LRRC4C: variants seen among roughly 807,000 people sequenced by gnomAD.
LRRC4C encodes leucine-rich repeat-containing protein 4C.
Under a neutral mutation model 33.6 loss-of-function variants are expected in LRRC4C, and 5 were observed. The ratio of observed to expected loss-of-function variants is 0.15; its 90% CI spans 0.08 to 0.31. LRRC4C has a LOEUF of 0.31. Among genes scored for constraint, LRRC4C ranks in the 10% least tolerant of loss-of-function variants. LRRC4C has a pLI of 1.00. For synonymous variants in LRRC4C, 329 were observed against 302.0 expected (o/e 1.09, Z -0.93); for missense variants, 560 against 796.7 (o/e 0.70, Z 3.58).
At chr11:40,770,536 C>T (rs1311837339) in intron 2 of LRRC4C, among the ~76,000 whole-genome samples, 1 of 152,186 alleles carries the variant, frequency 6.6e-6, no homozygotes, top group East Asian at 1.9e-4. Flanking sequence ...CACAATTATA[C>T]CTTCCCAACA....
At chr11:40,592,215 A>G (rs545537308) in intron 3 of LRRC4C, among the ~76,000 whole-genome samples, 1 of 152,366 alleles carries the variant, frequency 6.6e-6, no homozygotes, top group Non-Finnish European at 1.5e-5. Context: ...TATAAAGTAC[A>G]GAGTGCCAAA....
intron 3 of LRRC4C, among the ~76,000 whole-genome samples, chr11:40,407,922 C>A (rs78631021): frequency 6.6e-6 from 1 of 151,962 alleles, no homozygotes; most frequent in African/African-American, 2.4e-5. Context: ...ATTAAAATCA[C>A]AATTTAAAAT....
At chr11:40,315,551 C>A (rs1400603789) in intron 4 of LRRC4C, among the ~76,000 whole-genome samples, 1 of 151,888 alleles carries the variant, frequency 6.6e-6, no homozygotes, top group Non-Finnish European at 1.5e-5. Flanking sequence ...CATATCTATA[C>A]ATTCAGAGCA....
chr11:40,267,884 T>C lies in LRRC4C; in HGVS notation c.-175-26286A>G, dbSNP rs186576784. Among the ~76,000 whole-genome samples the C allele has an allele frequency of 5.3e-5, 8 of 152,336 alleles. No individual in the cohort carries two copies. The East Asian group carries it at 1.5e-3, about 29-fold the overall frequency. On this transcript the variant is annotated intron_variant, in intron 4 of 6. Coordinates refer to ENST00000528697, the MANE Select transcript of LRRC4C (RefSeq NM_001258419.2). ...AAAAAGTGTGATAGACTCACTGTTATCTACAGGAACATATTTAACTTCCTG... is the reference window on the plus strand; with the variant it reads ...AAAAAGTGTGATAGACTCACTGTTACCTACAGGAACATATTTAACTTCCTG...
chr11:41,429,494 A>T (rs1211493424), intron 1 of LRRC4C, among the ~76,000 whole-genome samples: 1 of 152,180 alleles, frequency 6.6e-6, no homozygotes, highest in Non-Finnish European at 1.5e-5. Context: ...GGGAAATCAG[A>T]ACTACAATAG....
intron 1 of LRRC4C, among the ~76,000 whole-genome samples, chr11:41,090,232 T>C (rs1940312357): frequency 6.6e-6 from 1 of 152,068 alleles, no homozygotes; most frequent in Admixed American, 6.6e-5. Context: ...GTATGCATGG[T>C]ATGTGAGAGG....
intron 1 of LRRC4C, among the ~76,000 whole-genome samples, chr11:41,281,042 TTC>T (rs71063910): frequency 0.024 from 1,846 of 76,190 alleles, 56 homozygotes; most frequent in African/African-American, 0.087. Context: ...AATACATATT[TTC>T]TCTCTCTCTC....
intron 2 of LRRC4C, among the ~76,000 whole-genome samples, chr11:40,881,287 C>T (rs1247904775): frequency 6.6e-6 from 1 of 152,092 alleles, no homozygotes; most frequent in Non-Finnish European, 1.5e-5. Context: ...TAAATTCAGT[C>T]CAACAGCATA....
At chr11:40,486,940 T>C (rs186434688) in intron 3 of LRRC4C, among the ~76,000 whole-genome samples, 1 of 152,064 alleles carries the variant, frequency 6.6e-6, no homozygotes, top group Non-Finnish European at 1.5e-5. Context: ...ATATTCACTC[T>C]TTCAATCTTT....
chr11:40,871,174 C>T lies in LRRC4C; in HGVS notation c.-407+62461G>A, dbSNP rs532368222. Among the ~76,000 whole-genome samples, 3 of 152,196 alleles carry T rather than the reference C, an allele frequency of 2.0e-5. No individual in the cohort carries two copies. The East Asian group carries it at 5.8e-4, about 29-fold the overall frequency. ...TGATAAGATGTTATCAATGAAAATG[C>T]GTGCCAGAAACTTCATTAGCAATTT... On this transcript the variant is annotated intron_variant, in intron 2 of 6. Transcript: ENST00000528697.
chr11:41,122,140 T>C (rs530484507), intron 1 of LRRC4C, among the ~76,000 whole-genome samples: 12 of 152,174 alleles, frequency 7.9e-5, no homozygotes, highest in Admixed American at 3.3e-4. Context: ...CAAATGGATA[T>C]ACGTTGAAGA....
chr11:41,015,552 G>A (rs958488092), intron 1 of LRRC4C, among the ~76,000 whole-genome samples: 4 of 152,218 alleles, frequency 2.6e-5, no homozygotes, highest in African/African-American at 9.6e-5. Flanking sequence ...GACCTCAGGT[G>A]ATCCACCTGC....
chr11:41,436,544 A>G (rs1955435862), intron 1 of LRRC4C, among the ~76,000 whole-genome samples: 1 of 152,214 alleles, frequency 6.6e-6, no homozygotes, highest in Admixed American at 6.5e-5. Flanking sequence ...AATAATGTCT[A>G]TGAAATTAGT....
At chr11:40,211,614 T>G (rs75508302) in intron 5 of LRRC4C, among the ~76,000 whole-genome samples, 9,653 of 152,224 alleles carry the variant, frequency 0.063, 999 homozygotes, top group African/African-American at 0.22. Context: ...AAATGGTAGG[T>G]TTGCTTTGGG....
intron 2 of LRRC4C, among the ~76,000 whole-genome samples, chr11:40,803,650 GT>G (rs1951130387): frequency 6.6e-6 from 1 of 151,910 alleles, no homozygotes. Flanking sequence ...GTCTCGCTCT[GT>G]CACCCAGATG....
chr11:41,132,254 T>A (rs1423833854), intron 1 of LRRC4C, among the ~76,000 whole-genome samples: 2 of 152,102 alleles, frequency 1.3e-5, no homozygotes, highest in Non-Finnish European at 2.9e-5. Context: ...GATGCTGAGT[T>A]TTGGAGAAAA....
chr11:40,375,082 A>C (rs1948603530), intron 3 of LRRC4C, among the ~76,000 whole-genome samples: 1 of 152,194 alleles, frequency 6.6e-6, no homozygotes, highest in Admixed American at 6.6e-5. Context: ...TCATGATAAA[A>C]TCAAGTAACA....
chr11:40,632,855 C>A (rs1211169785), intron 3 of LRRC4C, among the ~76,000 whole-genome samples: 1 of 152,132 alleles, frequency 6.6e-6, no homozygotes, highest in Non-Finnish European at 1.5e-5. Context: ...GCAATAAAAA[C>A]CTTCAGGGAA....
At chr11:40,334,101 C>G (rs980868870) in intron 3 of LRRC4C, among the ~76,000 whole-genome samples, 1 of 152,118 alleles carries the variant, frequency 6.6e-6, no homozygotes, top group African/African-American at 2.4e-5. Flanking sequence ...ATGGGAAAAC[C>G]TAACCTGGTG....
Sources: gnomAD v4.1 joint callset for allele counts (sites outside exome capture counted in the v4.1 genomes callset) on GRCh38, gnomAD v4.1.1 for gene constraint, MANE v1.5 for transcripts, NCBI Gene and HGNC (gene_info 2026-07-23, HGNC 2026-07-21) for gene names.